Variants in SNX29 observed in about 807,000 individuals in gnomAD.
SNX29 encodes the protein sorting nexin-29.
SNX29 carries 78 observed loss-of-function variants against 102.1 expected under a neutral mutation model. The ratio of observed to expected loss-of-function variants is 0.76; its 90% CI spans 0.64 to 0.92. The LOEUF (loss-of-function observed/expected upper bound fraction) is 0.92, where lower values mean the gene tolerates loss of function less well. Among genes scored for constraint, SNX29 ranks in the 40% least tolerant of loss-of-function variants. The probability of loss-of-function intolerance (pLI) is 0.00; values close to 1 mark genes in which losing one functional copy is unlikely to be tolerated. For missense variants in SNX29, 1,280 were observed against 1,061.7 expected (o/e 1.21, Z -2.86); for synonymous variants, 580 against 414.5 (o/e 1.40, Z -4.85).
intron 19 of SNX29, among the ~76,000 whole-genome samples, chr16:12,493,628 C>T (rs2088662259): frequency 6.6e-6 from 1 of 152,198 alleles, no homozygotes; most frequent in South Asian, 2.1e-4. Context: ...AGGTCTCACT[C>T]TTGCCCAGGC....
chr16:12,494,283 G>A (rs769367270), intron 19 of SNX29, among the ~76,000 whole-genome samples: 31 of 152,242 alleles, frequency 2.0e-4, no homozygotes, highest in Non-Finnish European at 4.3e-4. Context: ...TGCCTCCTGC[G>A]TGCCTGGCCC....
chr16:12,169,683 A>C (rs1468305090), intron 13 of SNX29, among the ~76,000 whole-genome samples: 1 of 152,118 alleles, frequency 6.6e-6, no homozygotes, highest in Non-Finnish European at 1.5e-5. Context: ...AACATGGTGA[A>C]ATGCTATCTG....
At chr16:12,037,501 T>C (rs1034700788) in intron 4 of SNX29, among the ~76,000 whole-genome samples, 1 of 152,064 alleles carries the variant, frequency 6.6e-6, no homozygotes, top group Non-Finnish European at 1.5e-5. Context: ...TTATGTAATA[T>C]TAAAAAAAAC....
At chr16:12,369,522 G>C (rs1228548775) in intron 16 of SNX29, among the ~76,000 whole-genome samples, 1 of 152,178 alleles carries the variant, frequency 6.6e-6, no homozygotes, top group Non-Finnish European at 1.5e-5. Flanking sequence ...TCTAGAAGCT[G>C]GTCTGGGCCA....
intron 20 of SNX29, among the ~76,000 whole-genome samples, chr16:12,549,289 G>A (rs577106746): frequency 2.0e-5 from 3 of 152,122 alleles, no homozygotes; most frequent in African/African-American, 7.2e-5. Context: ...AGGGTCAGAA[G>A]TTGGAAACCA....
Position 12,573,245 on chromosome 16 carries a change from A to AC in SNX29, c.*4618dup, listed in dbSNP as rs533251552. 107 of 227,026 alleles carry AC rather than the reference A, an allele frequency of 4.7e-4. 1 individual carries two copies. The highest frequency in any genetic ancestry group is 2.2e-3 in the African/African-American group (97 of 45,114). 14.1% of individuals were successfully genotyped at this position (227,026 alleles called of 1,614,324 possible). A position where few individuals can be genotyped will look rare whatever the true frequency, so the allele number is the denominator to read the frequency against. On this transcript the variant is annotated 3_prime_UTR_variant, in exon 21 of 21. Coordinates refer to ENST00000566228, the MANE Select transcript of SNX29 (RefSeq NM_032167.5). Reference sequence around the variant, plus strand: ...GTTCATCCCATGGTTGTTGAAATGTACCTCGATCAGTCATCTCTGGTATTC... The same window carrying AC: ...GTTCATCCCATGGTTGTTGAAATGTACCCTCGATCAGTCATCTCTGGTATTC...
At chr16:12,106,587 CCTCAGCCTCCTGA>C (rs1422449507) in intron 11 of SNX29, among the ~76,000 whole-genome samples, 4 of 151,918 alleles carry the variant, frequency 2.6e-5, no homozygotes, top group African/African-American at 9.7e-5. Context: ...GATCCTCCTG[CCTCAGCCTCCTGA>C]GTAGCTGGGA....
intron 11 of SNX29, among the ~76,000 whole-genome samples, chr16:12,106,799 AC>A (rs988292306): frequency 1.4e-5 from 2 of 147,062 alleles, no homozygotes; most frequent in Admixed American, 6.8e-5. Flanking sequence ...TTAAGGGTAT[AC>A]CCCCAACTTC....
At chr16:12,309,799 A>G (rs1344795547) in intron 15 of SNX29, among the ~76,000 whole-genome samples, 1 of 152,114 alleles carries the variant, frequency 6.6e-6, no homozygotes, top group Non-Finnish European at 1.5e-5. Context: ...TTCCTTTAGA[A>G]AGGGCAGTGG....
chr16:12,442,268 C>T (rs1326267111), intron 18 of SNX29, among the ~76,000 whole-genome samples: 1 of 152,214 alleles, frequency 6.6e-6, no homozygotes, highest in Non-Finnish European at 1.5e-5. Context: ...GACTCTGTCC[C>T]TTGCATCTCT....
intron 14 of SNX29, among the ~76,000 whole-genome samples, chr16:12,228,458 GCT>G (rs1345886307): frequency 2.6e-5 from 4 of 152,218 alleles, no homozygotes; most frequent in African/African-American, 9.7e-5. Context: ...GCAGCATCCT[GCT>G]CTCTCTGCCT....
chr16:12,033,006 C>T (rs1335069126), intron 4 of SNX29, among the ~76,000 whole-genome samples: 2 of 152,092 alleles, frequency 1.3e-5, no homozygotes, highest in African/African-American at 4.8e-5. Context: ...AGGCGTGCGC[C>T]ACCATGCCTG....
intron 11 of SNX29, among the ~76,000 whole-genome samples, chr16:12,091,260 C>A (rs1304935627): frequency 6.6e-6 from 1 of 152,056 alleles, no homozygotes; most frequent in African/African-American, 2.4e-5. Flanking sequence ...CACACCCGCT[C>A]CCCCTCCTTG....
At chr16:12,459,312 C>G (rs2086677223) in intron 18 of SNX29, among the ~76,000 whole-genome samples, 2 of 151,938 alleles carry the variant, frequency 1.3e-5, no homozygotes, top group African/African-American at 4.8e-5. Context: ...CCCCTCAGCT[C>G]TCTCCCTGTC....
intron 18 of SNX29, among the ~76,000 whole-genome samples, chr16:12,416,367 G>A (rs1445306764): frequency 6.6e-6 from 1 of 152,196 alleles, no homozygotes; most frequent in Admixed American, 6.5e-5. Flanking sequence ...GCGCAGCAGG[G>A]TGACTATGGT....
intron 11 of SNX29, among the ~76,000 whole-genome samples, chr16:12,101,679 T>G (rs2053028718): frequency 6.6e-6 from 1 of 152,156 alleles, no homozygotes; most frequent in African/African-American, 2.4e-5. Context: ...TCGCTGTGCC[T>G]GGCCTGACCC....
At chr16:12,419,771 A>T (rs1023224975) in intron 18 of SNX29, among the ~76,000 whole-genome samples, 1 of 152,216 alleles carries the variant, frequency 6.6e-6, no homozygotes, top group South Asian at 2.1e-4. Context: ...GGTCTAGGCC[A>T]TACCACGTGT....
rs192357424 is a variant in SNX29 at position 12,545,924 on chromosome 16, A to G, written c.2318+21083A>G. ...TGGAGCATTCTAGGTGTTCGGGGCT[A>G]TTAATATTTATGTATTATCCTGACA... On this transcript the variant is annotated intron_variant, in intron 20 of 20. Transcript: ENST00000566228. Among the ~76,000 whole-genome samples, 21 of 152,264 alleles carry G rather than the reference A, an allele frequency of 1.4e-4. No homozygotes were observed. The East Asian group carries it at 3.7e-3, about 27-fold the overall frequency.
At chr16:12,291,507 G>T (rs1485432365) in intron 15 of SNX29, among the ~76,000 whole-genome samples, 2 of 152,196 alleles carry the variant, frequency 1.3e-5, no homozygotes, top group African/African-American at 4.8e-5. Context: ...TGAGATTTGG[G>T]TGGGGACAAA....
Sources: gnomAD v4.1 joint callset for allele counts (sites outside exome capture counted in the v4.1 genomes callset) on GRCh38, gnomAD v4.1.1 for gene constraint, MANE v1.5 for transcripts, NCBI Gene and HGNC (gene_info 2026-07-23, HGNC 2026-07-21) for gene names.